PRKAR2B: variants seen among roughly 807,000 people sequenced by gnomAD.
PRKAR2B encodes the protein cAMP-dependent protein kinase type II-beta regulatory subunit.
A neutral mutation model predicts 49.9 loss-of-function variants in PRKAR2B; 14 were observed. That is an observed-to-expected ratio of 0.28 (90% CI 0.19 to 0.44). PRKAR2B has a LOEUF of 0.44. Ranked by LOEUF, PRKAR2B falls within the 20% of genes least tolerant of loss-of-function variation. PRKAR2B has a pLI of 1.00. For missense variants in PRKAR2B, 393 were observed against 537.9 expected, an observed-to-expected ratio of 0.73 and a Z score of 2.67; for synonymous variants, 196 against 197.7, an observed-to-expected ratio of 0.99 and a Z score of 0.07.
intron 2 of PRKAR2B, among the ~76,000 whole-genome samples, chr7:107,097,744 G>T (rs1053609949): frequency 3.3e-5 from 5 of 152,216 alleles, no homozygotes; most frequent in Non-Finnish European, 5.9e-5. Context: ...GTCTGTAAAG[G>T]ATTTTATTTC....
intron 1 of PRKAR2B, among the ~76,000 whole-genome samples, chr7:107,052,651 T>A (rs945313642): frequency 2.0e-5 from 3 of 152,210 alleles, no homozygotes; most frequent in African/African-American, 7.2e-5. Flanking sequence ...ATTTCAGTAA[T>A]TCTTTTAGCA....
Position 107,045,091 on chromosome 7 carries a change from G to T in PRKAR2B, c.184G>T (p.Gly62Cys). ...GHEGRTWGDL[G>C]AAAGGGTPSK... The stretch of plus-strand genomic sequence containing the variant: ...TGAGGGCAGGACCTGGGGGGACCTG[G>T]GCGCCGCTGCCGGGGGCGGCACCCC... Residue 62 changes from glycine to cysteine, a missense_variant, in exon 1 of 11, where the codon GGC (glycine) becomes TGC (cysteine). Physicochemically the swap from Gly to Cys is radical, Grantham distance 159 (BLOSUM62 -3). Coordinates refer to ENST00000265717, the MANE Select transcript of PRKAR2B (RefSeq NM_002736.3). 1 of 1,533,092 alleles carries T rather than the reference G, an allele frequency of 6.5e-7. No homozygotes were observed. Among genetic ancestry groups the T allele is most frequent in the Non-Finnish European group, 8.7e-7 (1 of 1,143,148 alleles). 95.0% of individuals were successfully genotyped at this position (1,533,092 alleles called of 1,614,324 possible).
At chr7:107,124,774 G>GT (rs1795455275) in intron 3 of PRKAR2B, among the ~76,000 whole-genome samples, 1 of 151,296 alleles carries the variant, frequency 6.6e-6, no homozygotes, top group South Asian at 2.1e-4. Context: ...CTTGTTAACT[G>GT]TTTTTCTAAT....
At chr7:107,096,061 T>C (rs1169965031) in intron 2 of PRKAR2B, among the ~76,000 whole-genome samples, 4 of 152,312 alleles carry the variant, frequency 2.6e-5, no homozygotes, top group Middle Eastern at 3.4e-3. Flanking sequence ...TTGTTTGGAA[T>C]AGTTTCAGAA....
intron 2 of PRKAR2B, among the ~76,000 whole-genome samples, chr7:107,090,214 G>T (rs1319082141): frequency 1.3e-5 from 2 of 152,196 alleles, no homozygotes; most frequent in Admixed American, 6.5e-5. Flanking sequence ...ACTGGAACCT[G>T]GTTTTGAGCC....
At chr7:107,156,843 A>G (rs1796101449) in intron 8 of PRKAR2B, 141 bp from the exon 9 acceptor site, 3 of 715,456 alleles carry the variant, frequency 4.2e-6, no homozygotes, top group African/African-American at 3.6e-5. Flanking sequence ...AAACCGAGAC[A>G]GCTTGTTCCC....
chr7:107,103,261 AAACTGAG>A (rs1795009965), intron 2 of PRKAR2B, among the ~76,000 whole-genome samples: 1 of 152,220 alleles, frequency 6.6e-6, no homozygotes, highest in Admixed American at 6.5e-5. Flanking sequence ...TGTTATAGTA[AAACTGAG>A]AACCTTATTT....
chr7:107,156,279 G>GA (rs892788444), intron 8 of PRKAR2B, among the ~76,000 whole-genome samples: 16 of 150,944 alleles, frequency 1.1e-4, no homozygotes, highest in South Asian at 2.1e-4. Context: ...TTAAAAAAAG[G>GA]AAAAAAAAAT....
intron 10 of PRKAR2B, 27 bp downstream of exon 10, chr7:107,157,351 T>G: frequency 6.3e-7 from 1 of 1,595,982 alleles, no homozygotes; most frequent in Non-Finnish European, 8.5e-7. Flanking sequence ...TGGGCGTGCT[T>G]CTGCTGGTTG....
chr7:107,099,377 T>C (rs1235797002), intron 2 of PRKAR2B, among the ~76,000 whole-genome samples: 1 of 152,150 alleles, frequency 6.6e-6, no homozygotes, highest in African/African-American at 2.4e-5. Context: ...AGCGCAGTAT[T>C]AGGGTGGGAG....
At chr7:107,097,972 C>G (rs1794878917) in intron 2 of PRKAR2B, among the ~76,000 whole-genome samples, 1 of 152,158 alleles carries the variant, frequency 6.6e-6, no homozygotes, top group Non-Finnish European at 1.5e-5. Context: ...TTTGGTGAAT[C>G]TGACAGTTAT....
chr7:107,085,800 G>A (rs1231917082), intron 2 of PRKAR2B, among the ~76,000 whole-genome samples: 3 of 151,954 alleles, frequency 2.0e-5, no homozygotes, highest in Non-Finnish European at 4.4e-5. Flanking sequence ...CTTCTTAATG[G>A]TGTCCTATTA....
At chr7:107,053,697 T>C (rs1793854346) in intron 1 of PRKAR2B, among the ~76,000 whole-genome samples, 1 of 152,190 alleles carries the variant, frequency 6.6e-6, no homozygotes, top group African/African-American at 2.4e-5. Context: ...CCAGGCTTTT[T>C]CTTTTAAAAC....
intron 4 of PRKAR2B, among the ~76,000 whole-genome samples, chr7:107,132,888 A>G (rs1240322996): frequency 1.3e-5 from 2 of 152,188 alleles, no homozygotes; most frequent in Non-Finnish European, 2.9e-5. Flanking sequence ...AGCATTTATA[A>G]TTATTAATCT....
chr7:107,096,470 AT>A (rs879865930), intron 2 of PRKAR2B, among the ~76,000 whole-genome samples: 238 of 144,154 alleles, frequency 1.7e-3, no homozygotes, highest in East Asian at 9.7e-3. Context: ...GGATTCATTG[AT>A]TTTTTTTTTT....
intron 2 of PRKAR2B, among the ~76,000 whole-genome samples, chr7:107,072,001 G>A (rs1434770433): frequency 4.6e-5 from 7 of 151,534 alleles, no homozygotes; most frequent in East Asian, 1.9e-4. Flanking sequence ...CCCGGAAGGC[G>A]GAGCTTGCAG....
At chr7:107,109,384 C>T (rs1003264035) in intron 2 of PRKAR2B, among the ~76,000 whole-genome samples, 2 of 151,794 alleles carry the variant, frequency 1.3e-5, no homozygotes, top group Non-Finnish European at 2.9e-5. Context: ...CTCAGGCTCC[C>T]AAGTAGCTGG....
At chr7:107,046,721 C>T (rs1793702666) in intron 1 of PRKAR2B, among the ~76,000 whole-genome samples, 1 of 152,088 alleles carries the variant, frequency 6.6e-6, no homozygotes, top group South Asian at 2.1e-4. Context: ...GCAGAGATAT[C>T]TAATACTTCT....
intron 2 of PRKAR2B, among the ~76,000 whole-genome samples, chr7:107,107,797 A>G (rs528620520): frequency 6.6e-6 from 1 of 152,110 alleles, no homozygotes; most frequent in African/African-American, 2.4e-5. Context: ...AGCTGGGACT[A>G]TAGGTGCGCG....
Sources: allele counts gnomAD v4.1 joint callset (sites outside exome capture counted in the v4.1 genomes callset), GRCh38; gene constraint gnomAD v4.1.1; transcripts MANE v1.5; gene names NCBI Gene and HGNC (gene_info 2026-07-23, HGNC 2026-07-21).